The following RNF17 variants were observed in gnomAD, a reference collection of about 807,000 sequenced individuals.
The protein encoded by RNF17 is spermatogenesis associated 23.
Under a neutral mutation model 200.5 loss-of-function variants are expected in RNF17, and 31 were observed. The ratio of observed to expected loss-of-function variants is 0.15; its 90% CI spans 0.12 to 0.21. The LOEUF is 0.21. RNF17 is among the 10% of genes least tolerant of loss of function. RNF17 has a pLI of 1.00. For missense variants in RNF17, 1,628 were observed against 1,905.1 expected (o/e 0.85, Z 2.71); for synonymous variants, 606 against 637.8 (o/e 0.95, Z 0.75).
intron 11 of RNF17, among the ~76,000 whole-genome samples, chr13:24,798,781 C>CT (rs1256773231): frequency 1.3e-5 from 2 of 151,826 alleles, no homozygotes; most frequent in Non-Finnish European, 2.9e-5. Context: ...GTTTGATCTT[C>CT]TTTTTTCCTG....
chr13:24,833,761 A>G (rs1889675864), intron 18 of RNF17, among the ~76,000 whole-genome samples: 1 of 152,198 alleles, frequency 6.6e-6, no homozygotes, highest in East Asian at 1.9e-4. Context: ...ACAGCAGTAA[A>G]ATTGTGAGTT....
chr13:24,869,085 A>G (rs1182265094), intron 31 of RNF17, among the ~76,000 whole-genome samples: 1 of 150,896 alleles, frequency 6.6e-6, no homozygotes, highest in African/African-American at 2.4e-5. Context: ...TCCACTTACT[A>G]TGTTTGTCTG....
chr13:24,834,116 G>A (rs1453873316), intron 18 of RNF17, among the ~76,000 whole-genome samples: 1 of 151,910 alleles, frequency 6.6e-6, no homozygotes, highest in Non-Finnish European at 1.5e-5. Context: ...TGGTAAAAAA[G>A]CTTTTTAGGC....
intron 22 of RNF17, among the ~76,000 whole-genome samples, chr13:24,847,198 A>G (rs1478966887): frequency 6.6e-6 from 1 of 152,122 alleles, no homozygotes; most frequent in Non-Finnish European, 1.5e-5. Flanking sequence ...TTCTCACAAT[A>G]ATACCGACAT....
rs774149974 is a variant in RNF17 at position 24,830,623 on chromosome 13, A to T, written c.2361+24A>T. The stretch of plus-strand genomic sequence containing the variant: ...AGGTAATTTATTTATTATGAATTCT[A>T]GGGCTAGAATATCAGCACAAATATG... On this transcript the variant is annotated intron_variant, in intron 17 of 35. Coordinates refer to ENST00000255324, the MANE Select transcript of RNF17 (RefSeq NM_031277.3). 15 of 1,418,858 alleles carry T rather than the reference A, an allele frequency of 1.1e-5. No homozygotes were observed. The African/African-American group carries it at 1.8e-4, about 17-fold the overall frequency. 87.9% of individuals were successfully genotyped at this position (1,418,858 alleles called of 1,614,324 possible).
intron 9 of RNF17, among the ~76,000 whole-genome samples, chr13:24,790,930 G>A (rs1176701860): frequency 1.3e-5 from 2 of 152,088 alleles, no homozygotes; most frequent in Admixed American, 1.3e-4. Context: ...TTCCCCAAAG[G>A]CCCCACCTCT....
chr13:24,838,711 G>C (rs1343450195), intron 18 of RNF17, among the ~76,000 whole-genome samples: 3 of 152,068 alleles, frequency 2.0e-5, no homozygotes, highest in Admixed American at 1.3e-4. Flanking sequence ...CACAGCCAAC[G>C]TAATTCTGAA....
chr13:24,844,002 A>T, intron 20 of RNF17, 31 bp downstream of exon 20: 1 of 625,828 alleles, frequency 1.6e-6, no homozygotes, highest in Non-Finnish European at 2.4e-6. Context: ...ATATAAGGAA[A>T]ATATTGCATA....
chr13:24,879,382 C>G, intron 35 of RNF17, 87 bp downstream of exon 35: 1 of 838,140 alleles, frequency 1.2e-6, no homozygotes, highest in Non-Finnish European at 1.9e-6. Context: ...GTGGATTTTC[C>G]TTGATTTCTC....
chr13:24,868,244 G>C (rs1318583711), intron 30 of RNF17, among the ~76,000 whole-genome samples: 1 of 151,832 alleles, frequency 6.6e-6, no homozygotes, highest in Non-Finnish European at 1.5e-5. Context: ...GCCGAGGCGG[G>C]CGGATCACGA....
intron 32 of RNF17, among the ~76,000 whole-genome samples, chr13:24,871,300 AAC>A (rs1894222025): frequency 1.3e-5 from 2 of 152,180 alleles, no homozygotes; most frequent in Admixed American, 6.5e-5. Context: ...GCAAAGGAAA[AAC>A]ACACATCAGC....
intron 15 of RNF17, among the ~76,000 whole-genome samples, chr13:24,823,737 T>G (rs1888338504): frequency 6.6e-6 from 1 of 152,190 alleles, no homozygotes; most frequent in Non-Finnish European, 1.5e-5. Context: ...TATATATGAC[T>G]GCTTTTGAAT....
chr13:24,812,568 G>T (rs1365554885), intron 15 of RNF17, among the ~76,000 whole-genome samples: 2 of 151,922 alleles, frequency 1.3e-5, no homozygotes, highest in East Asian at 1.9e-4. Context: ...GATGAACCCG[G>T]TACCTCAGAT....
intron 12 of RNF17, among the ~76,000 whole-genome samples, chr13:24,799,807 A>C (rs1885023958): frequency 6.6e-6 from 1 of 152,128 alleles, no homozygotes; most frequent in South Asian, 2.1e-4. Context: ...CTCCAAACTT[A>C]AGTACTCTTC....
At chr13:24,811,057 C>G (rs1886545191) in intron 15 of RNF17, among the ~76,000 whole-genome samples, 4 of 152,108 alleles carry the variant, frequency 2.6e-5, no homozygotes, top group African/African-American at 4.8e-5. Flanking sequence ...CGACCTTTCT[C>G]TCTGGCTGCT....
rs1049367214 is a variant in RNF17 at position 24,799,493 on chromosome 13, T to C, written c.1498T>C (p.Cys500Arg). 2 of 1,611,196 alleles carry C rather than the reference T, an allele frequency of 1.2e-6. No individual in the cohort carries two copies. Among genetic ancestry groups the C allele is most frequent in the Non-Finnish European group, 1.7e-6 (2 of 1,177,768 alleles). Reference sequence around the variant, plus strand: ...AGAGGGTAGAAATACCAGAAAACCTTGTAGTCCAACCAGATTATTTGTCCA... The same window carrying C: ...AGAGGGTAGAAATACCAGAAAACCTCGTAGTCCAACCAGATTATTTGTCCA... ...PIEGRNTRKPCSPTRLFVHEV... is the reference protein window; with the variant it reads ...PIEGRNTRKPRSPTRLFVHEV... Residue 500 changes from cysteine to arginine, a missense_variant, in exon 12 of 36, where the codon TGT (cysteine) becomes CGT (arginine). Cys to Arg is a radical substitution (Grantham distance 180, BLOSUM62 -3). Around this residue, in one of 5 missense-constraint regions of RNF17, gnomAD observed 289 missense variants for 384.9 expected, o/e 0.75. Transcript: ENST00000255324.
chr13:24,755,336 C>A, the RNF17 span, among the ~76,000 whole-genome samples: 1 of 152,114 alleles, frequency 6.6e-6, no homozygotes, highest in African/African-American at 2.4e-5. Flanking sequence ...AAGGATTACA[C>A]CAAGAGGTAT....
intron 26 of RNF17, among the ~76,000 whole-genome samples, chr13:24,860,483 C>G (rs1255323211): frequency 6.6e-6 from 1 of 152,018 alleles, no homozygotes; most frequent in Non-Finnish European, 1.5e-5. Flanking sequence ...AAATAAATGT[C>G]TCGTGAAACC....
intron 11 of RNF17, among the ~76,000 whole-genome samples, chr13:24,797,267 T>C (rs1466115445): frequency 6.6e-6 from 1 of 152,206 alleles, no homozygotes; most frequent in East Asian, 1.9e-4. Context: ...ATGATAATTA[T>C]GTTGGCAAAG....
Sources: allele counts gnomAD v4.1 joint callset (sites outside exome capture counted in the v4.1 genomes callset), GRCh38; gene constraint gnomAD v4.1.1; regional missense constraint gnomAD v4.1.1; transcripts MANE v1.5; gene names NCBI Gene and HGNC (gene_info 2026-07-23, HGNC 2026-07-21).